SEMA3E: variants seen among roughly 807,000 people sequenced by gnomAD.
The protein encoded by SEMA3E is semaphorin-3E.
A neutral mutation model predicts 93.6 loss-of-function variants in SEMA3E; 49 were observed. The observed-to-expected ratio is 0.52, with a 90% CI of 0.42 to 0.66. The LOEUF is 0.66. Ranked by LOEUF, SEMA3E falls within the 30% of genes least tolerant of loss-of-function variation. The probability of loss-of-function intolerance (pLI) is 0.00; values close to 1 mark genes in which losing one functional copy is unlikely to be tolerated. For synonymous variants in SEMA3E, 363 were observed against 330.7 expected (o/e 1.10, Z -1.06); for missense variants, 906 against 964.8 (o/e 0.94, Z 0.81).
At chr7:83,634,352 C>T (rs115690820) in intron 1 of SEMA3E, among the ~76,000 whole-genome samples, 2 of 151,944 alleles carry the variant, frequency 1.3e-5, no homozygotes, top group Non-Finnish European at 2.9e-5. Flanking sequence ...TCTTGTTTAA[C>T]TTTATTAATT....
chr7:83,480,450 C>T lies in SEMA3E; in HGVS notation c.276+9664G>A, dbSNP rs531499850. 2.1e-4 allele frequency among the ~76,000 whole-genome samples: 32 copies of T among 152,038 alleles called. No individual in the cohort carries two copies. The East Asian group carries it at 5.8e-3, about 28-fold the overall frequency. ...CTAAAATAAATAAATAAATAAAACGCTATTAGTATTAAGATGTTTTAAAGT... is the reference window on the plus strand; with the variant it reads ...CTAAAATAAATAAATAAATAAAACGTTATTAGTATTAAGATGTTTTAAAGT... On this transcript the variant is annotated intron_variant, in intron 2 of 16. Coordinates refer to ENST00000643230, the MANE Select transcript of SEMA3E (RefSeq NM_012431.3).
At chr7:83,648,098 G>A (rs1794103591) in intron 1 of SEMA3E, among the ~76,000 whole-genome samples, 1 of 152,114 alleles carries the variant, frequency 6.6e-6, no homozygotes, top group African/African-American at 2.4e-5. Context: ...GGTGGATTCA[G>A]CCTCTCAAGG....
intron 1 of SEMA3E, among the ~76,000 whole-genome samples, chr7:83,500,180 G>A (rs1382090654): frequency 6.6e-6 from 1 of 152,198 alleles, no homozygotes; most frequent in Non-Finnish European, 1.5e-5. Flanking sequence ...GCTCGCACCT[G>A]TAATCCCAAT....
chr7:83,647,956 C>T (rs1420406779), intron 1 of SEMA3E, among the ~76,000 whole-genome samples: 1 of 152,104 alleles, frequency 6.6e-6, no homozygotes, highest in Non-Finnish European at 1.5e-5. Context: ...ATTTTCTCCT[C>T]TTACCTCCAT....
At chr7:83,474,739 G>A (rs4732512) in intron 2 of SEMA3E, among the ~76,000 whole-genome samples, 15,682 of 152,148 alleles carry the variant, frequency 0.1, 914 homozygotes, top group East Asian at 0.21. Context: ...CACCTGAGAG[G>A]AGTCACTGAC....
chr7:83,611,883 T>C (rs1214577357), intron 1 of SEMA3E, among the ~76,000 whole-genome samples: 4 of 152,114 alleles, frequency 2.6e-5, no homozygotes, highest in Non-Finnish European at 5.9e-5. Context: ...TTAATGGCTT[T>C]CCATCATACA....
At chr7:83,560,024 C>T (rs1434799647) in intron 1 of SEMA3E, among the ~76,000 whole-genome samples, 3 of 151,868 alleles carry the variant, frequency 2.0e-5, no homozygotes, top group Admixed American at 2.0e-4. Flanking sequence ...AAACAAAGAA[C>T]ACAATAAAAA....
intron 15 of SEMA3E, among the ~76,000 whole-genome samples, chr7:83,385,742 A>T (rs926051261): frequency 2.0e-5 from 3 of 152,132 alleles, no homozygotes; most frequent in Non-Finnish European, 4.4e-5. Flanking sequence ...TGCAACCTCT[A>T]TTGAGGGAAG....
chr7:83,473,836 G>C (rs978109057), intron 2 of SEMA3E, among the ~76,000 whole-genome samples: 2 of 152,128 alleles, frequency 1.3e-5, no homozygotes, highest in African/African-American at 2.4e-5. Context: ...GCTCATGCCT[G>C]TAATCCCAGC....
chr7:83,624,804 C>CT lies in SEMA3E; in HGVS notation c.115+23623dup, dbSNP rs777531144. On this transcript the variant is annotated intron_variant, in intron 1 of 16. Coordinates refer to ENST00000643230, the MANE Select transcript of SEMA3E (RefSeq NM_012431.3). Reference sequence around the variant, plus strand: ...TTAGTCATGAAGTCTTTGCCCATGCCTGTGTCCTGAATGGTATTGCCTAGG... The same window carrying CT: ...TTAGTCATGAAGTCTTTGCCCATGCCTTGTGTCCTGAATGGTATTGCCTAGG... Among the ~76,000 whole-genome samples, 12 of 152,170 alleles carry CT rather than the reference C, an allele frequency of 7.9e-5. No homozygotes were observed. The South Asian group carries it at 8.3e-4, about 11-fold the overall frequency.
chr7:83,504,427 C>A (rs1790654739), intron 1 of SEMA3E, among the ~76,000 whole-genome samples: 1 of 152,126 alleles, frequency 6.6e-6, no homozygotes, highest in Admixed American at 6.5e-5. Context: ...CAGACAATCA[C>A]CAAAATCTTA....
chr7:83,638,919 G>A (rs1031730353), intron 1 of SEMA3E, among the ~76,000 whole-genome samples: 3 of 151,200 alleles, frequency 2.0e-5, no homozygotes, highest in East Asian at 1.9e-4. Context: ...AGACCATCCC[G>A]GCTAAAATGG....
intron 1 of SEMA3E, among the ~76,000 whole-genome samples, chr7:83,515,738 T>C (rs1790913204): frequency 6.6e-6 from 1 of 152,152 alleles, no homozygotes; most frequent in Admixed American, 6.6e-5. Context: ...ACAAAACAGC[T>C]GGTTGTTCGA....
rs971655384 is a variant in SEMA3E, at chr7:83,440,152, C to T, written c.457-21669G>A. Among the ~76,000 whole-genome samples, 8 of 152,242 alleles carry T rather than the reference C, an allele frequency of 5.3e-5. No individual in the cohort carries two copies. The South Asian group carries it at 1.2e-3, about 24-fold the overall frequency. Reference sequence around the variant, plus strand: ...AAGTATCTAAGTTCATGGTAATCCTCCAAAGAACAGCAGAGGGTAGAAACT... The same window carrying T: ...AAGTATCTAAGTTCATGGTAATCCTTCAAAGAACAGCAGAGGGTAGAAACT... On this transcript the variant is annotated intron_variant, in intron 4 of 16. Transcript: ENST00000643230.
chr7:83,596,500 A>G (rs1358912075), intron 1 of SEMA3E, among the ~76,000 whole-genome samples: 5 of 152,136 alleles, frequency 3.3e-5, no homozygotes, highest in Non-Finnish European at 4.4e-5. Context: ...TTAACTATAT[A>G]ATAAATATAT....
chr7:83,635,107 G>A (rs1793856644), intron 1 of SEMA3E, among the ~76,000 whole-genome samples: 1 of 151,886 alleles, frequency 6.6e-6, no homozygotes, highest in Non-Finnish European at 1.5e-5. Flanking sequence ...CATCTGACCA[G>A]AAATATGTGT....
chr7:83,455,066 G>A (rs1336727451), intron 4 of SEMA3E, among the ~76,000 whole-genome samples: 1 of 152,196 alleles, frequency 6.6e-6, no homozygotes, highest in Non-Finnish European at 1.5e-5. Context: ...TTCTGCACTA[G>A]AGGAAACTTT....
rs66605514 is a variant in SEMA3E at position 83,593,284 on chromosome 7, CTGTGTGTG to C, written c.115+55136_115+55143del. On this transcript the variant is annotated intron_variant, in intron 1 of 16. Coordinates refer to ENST00000643230, the MANE Select transcript of SEMA3E (RefSeq NM_012431.3). ...TGTCTCTCTCTCTCTCTCTCTCTCT[CTGTGTGTG>C]TGTGTGTGTGTGTGTGTGTGTGTGT... 4.7e-3 allele frequency among the ~76,000 whole-genome samples: 553 copies of C among 116,670 alleles called. 3 individuals carry two copies. Among genetic ancestry groups the C allele is most frequent in the African/African-American group, 0.013 (392 of 30,898 alleles). The allele number at this position is 116,670 out of a possible 152,430, so 76.5% of individuals were successfully genotyped here.
chr7:83,491,648 T>C (rs1401729220), intron 1 of SEMA3E, among the ~76,000 whole-genome samples: 1 of 151,980 alleles, frequency 6.6e-6, no homozygotes, highest in Non-Finnish European at 1.5e-5. Flanking sequence ...CATAAGAGGT[T>C]TGCCAGATTC....
Sources: allele counts gnomAD v4.1 joint callset (sites outside exome capture counted in the v4.1 genomes callset), GRCh38; gene constraint gnomAD v4.1.1; transcripts MANE v1.5; gene names NCBI Gene and HGNC (gene_info 2026-07-23, HGNC 2026-07-21).